The following MTERF4 variants were observed in gnomAD, a reference collection of about 807,000 sequenced individuals.
MTERF4 encodes the protein mitochondrial transcription termination factor 4, also known as transcription termination factor 4, mitochondrial.
MTERF4 carries 17 observed loss-of-function variants against 22.5 expected under a neutral mutation model. The observed-to-expected ratio is 0.75, with a 90% CI of 0.52 to 1.13. MTERF4 has a LOEUF of 1.13. Ranked by LOEUF, MTERF4 falls within the 50% of genes most tolerant of loss-of-function variation. The pLI is 0.00. For synonymous variants in MTERF4, 165 were observed against 175.3 expected, an observed-to-expected ratio of 0.94 and a Z score of 0.47; for missense variants, 420 against 466.8, an observed-to-expected ratio of 0.90 and a Z score of 0.92.
At position 241,073,136 on chromosome 2, in the gene MTERF4, C is replaced by T. The variant is rs188423328; in HGVS notation, n.3026G>A. 1.1e-4 allele frequency: 76 copies of T among 664,720 alleles called. No homozygotes were observed. Among genetic ancestry groups the T allele is most frequent in the Non-Finnish European group, 1.7e-4 (65 of 388,678 alleles). 41.2% of individuals were successfully genotyped at this position (664,720 alleles called of 1,614,324 possible). The stretch of plus-strand genomic sequence containing the variant: ...CTGGGGCCGACAGGTGCTGGGGCCA[C>T]GCAGGGAGCCTGGTCCCCACCAGGG... On this transcript the variant is annotated non_coding_transcript_exon_variant, in exon 5 of 5. Coordinates refer to the MTERF4 transcript ENST00000464344. This position sits in a 1 kb window ranked among gnomAD's most constrained non-coding sequence, Gnocchi z 6.6.
downstream of MTERF4, among the ~76,000 whole-genome samples, chr2:241,084,902 G>A (rs1451464102): frequency 6.6e-6 from 1 of 151,968 alleles, no homozygotes; most frequent in African/African-American, 2.4e-5. Context: ...TAGACTTCTT[G>A]ATTGACAGTT....
At chr2:241,057,392 T>A in the MTERF4 span, among the ~76,000 whole-genome samples, 59 of 140,918 alleles carry the variant, frequency 4.2e-4, no homozygotes, top group African/African-American at 1.6e-3. Context: ...TATATATATA[T>A]ATATATATAT....
At chr2:241,051,629 T>G in the MTERF4 span, 1 of 815,040 alleles carries the variant, frequency 1.2e-6, no homozygotes. This position sits in a 1 kb window ranked among gnomAD's most constrained non-coding sequence, Gnocchi z 4.7. Flanking sequence ...CCCCAGGGCT[T>G]CGTCGAGAAG....
chr2:241,097,949 A>G (rs2064531147), intron 2 of MTERF4, among the ~76,000 whole-genome samples: 1 of 152,184 alleles, frequency 6.6e-6, no homozygotes, highest in Admixed American at 6.5e-5. Flanking sequence ...AGGACACACA[A>G]CACCAATGCT....
downstream of MTERF4, chr2:241,087,804 C>A: frequency 2.5e-6 from 2 of 785,482 alleles, no homozygotes; most frequent in Non-Finnish European, 3.5e-6. Context: ...CGATATAGCG[C>A]GTCGCTCTTT....
the MTERF4 span, chr2:241,048,894 G>A: frequency 1.8e-5 from 21 of 1,177,314 alleles, no homozygotes; most frequent in South Asian, 2.8e-4. Context: ...ACCCAGGAGG[G>A]ACTGGCCACA....
the MTERF4 span, among the ~76,000 whole-genome samples, chr2:241,064,404 C>T: frequency 6.6e-6 from 1 of 152,324 alleles, no homozygotes; most frequent in South Asian, 2.1e-4. The surrounding 1 kb of genome is among the most constrained non-coding windows in gnomAD (Gnocchi z 7.0). Context: ...GCCTCACGTC[C>T]ACACATAGGC....
At chr2:241,098,379 T>A in intron 2 of MTERF4, among the ~76,000 whole-genome samples, 1 of 152,194 alleles carries the variant, frequency 6.6e-6, no homozygotes, top group East Asian at 1.9e-4. Flanking sequence ...ATCCTAAACC[T>A]TCTACCACTG....
At chr2:241,063,401 G>C in the MTERF4 span, 1 of 614,250 alleles carries the variant, frequency 1.6e-6, no homozygotes. Context: ...AGCAGGCAGT[G>C]GAGGTGGCAC....
downstream of MTERF4, chr2:241,071,263 C>T: frequency 2.2e-6 from 1 of 456,452 alleles, no homozygotes; most frequent in Non-Finnish European, 4.0e-6. Flanking sequence ...AGCCCGAGTG[C>T]CCAGCCCCTT....
downstream of MTERF4, chr2:241,069,895 C>A (rs1287459575): frequency 1.2e-6 from 2 of 1,604,480 alleles, no homozygotes; most frequent in Non-Finnish European, 1.7e-6. The surrounding 1 kb of genome is among the most constrained non-coding windows in gnomAD (Gnocchi z 4.9). Flanking sequence ...ACCCCCTCAC[C>A]TCTCCCTGCT....
In MTERF4 at chr2:241,073,224, C is replaced by A. The variant is rs1277749328; in HGVS notation, n.2938G>T. 3 of 1,464,062 alleles carry A rather than the reference C, an allele frequency of 2.0e-6. No individual in the cohort carries two copies. The highest frequency in any genetic ancestry group is 2.8e-6 in the Non-Finnish European group (3 of 1,069,614). 90.7% of individuals were successfully genotyped at this position (1,464,062 alleles called of 1,614,324 possible). A position where few individuals can be genotyped will look rare whatever the true frequency, so the allele number is the denominator to read the frequency against. ...GGTGGCCCCAGGACCATCCCGGGTG[C>A]AAAGCAGCTGCGCCGTGTGGTCACC... On this transcript the variant is annotated non_coding_transcript_exon_variant, in exon 5 of 5. Coordinates refer to the MTERF4 transcript ENST00000464344. The surrounding 1 kb of genome is among the most constrained non-coding windows in gnomAD (Gnocchi z 6.6).
downstream of MTERF4, chr2:241,088,650 TA>T (rs569151006): frequency 5.8e-5 from 31 of 533,398 alleles, no homozygotes; most frequent in South Asian, 7.6e-4. Context: ...TCTCTGTGGA[TA>T]GGGCAAATCC....
chr2:241,068,692 G>C (rs189594498), downstream of MTERF4, among the ~76,000 whole-genome samples: 2 of 152,038 alleles, frequency 1.3e-5, no homozygotes, highest in South Asian at 2.1e-4. This position sits in a 1 kb window ranked among gnomAD's most constrained non-coding sequence, Gnocchi z 5.3. Context: ...AAGCGCACCC[G>C]ATCCTCCTCC....
rs1328019013 is a variant in MTERF4, at chr2:241,073,261, C to T, written n.2901G>A. 1 of 1,553,470 alleles carries T rather than the reference C, an allele frequency of 6.4e-7. No individual in the cohort carries two copies. Among genetic ancestry groups the T allele is most frequent in the Admixed American group, 2.0e-5 (1 of 51,186 alleles). ...GCCGTGTGGTCACCGCCTGGCTTCT[C>T]CTAGAACCCACAGCCTCGGCGCAGC... On this transcript the variant is annotated non_coding_transcript_exon_variant, in exon 5 of 5. Coordinates refer to the MTERF4 transcript ENST00000464344. The surrounding 1 kb of genome is among the most constrained non-coding windows in gnomAD (Gnocchi z 6.6).
chr2:241,065,960 G>A, the MTERF4 span, among the ~76,000 whole-genome samples: 2 of 152,132 alleles, frequency 1.3e-5, no homozygotes, highest in South Asian at 2.1e-4. Flanking sequence ...GGCTTGGGGG[G>A]GCTGGGACTC....
downstream of MTERF4, among the ~76,000 whole-genome samples, chr2:241,068,115 G>A (rs982467569): frequency 6.6e-6 from 1 of 152,138 alleles, no homozygotes; most frequent in Non-Finnish European, 1.5e-5. The surrounding 1 kb of genome is among the most constrained non-coding windows in gnomAD (Gnocchi z 5.3). Context: ...AGACCCTGGA[G>A]GCTTCACTCC....
At chr2:241,056,548 T>A in the MTERF4 span, among the ~76,000 whole-genome samples, 1 of 150,928 alleles carries the variant, frequency 6.6e-6, no homozygotes, top group Non-Finnish European at 1.5e-5. Flanking sequence ...AAAAATAATT[T>A]AAAAATGAAT....
downstream of MTERF4, chr2:241,070,083 G>A: frequency 6.2e-6 from 10 of 1,613,098 alleles, no homozygotes; most frequent in South Asian, 3.3e-5. Flanking sequence ...GGAAGCTGGC[G>A]TCCTACACGG....
Sources: allele counts gnomAD v4.1 joint callset (sites outside exome capture counted in the v4.1 genomes callset), GRCh38; gene constraint gnomAD v4.1.1; non-coding constraint Gnocchi (gnomAD v3.1); transcripts MANE v1.5; gene names NCBI Gene and HGNC (gene_info 2026-07-23, HGNC 2026-07-21).